ITFG1: variants seen among roughly 807,000 people sequenced by gnomAD.
ITFG1 encodes integrin alpha FG-GAP repeat containing 1, also known as T-cell immunomodulatory protein.
A neutral mutation model predicts 81.8 loss-of-function variants in ITFG1; 34 were observed. The observed-to-expected ratio is 0.42, with a 90% CI of 0.32 to 0.55. ITFG1 has a LOEUF of 0.55. Among genes scored for constraint, ITFG1 ranks in the 20% least tolerant of loss-of-function variants. The pLI is 0.17. For synonymous variants in ITFG1, 285 were observed against 270.6 expected (o/e 1.05, Z -0.52); for missense variants, 672 against 755.4 (o/e 0.89, Z 1.29).
At chr16:47,249,655 T>C (rs1966044573) in intron 12 of ITFG1, among the ~76,000 whole-genome samples, 1 of 152,236 alleles carries the variant, frequency 6.6e-6, no homozygotes, top group Non-Finnish European at 1.5e-5. Context: ...TAATTTGTAG[T>C]TTAAAACATG....
intron 10 of ITFG1, among the ~76,000 whole-genome samples, chr16:47,292,470 C>T (rs1291683112): frequency 6.6e-6 from 1 of 152,082 alleles, no homozygotes; most frequent in Non-Finnish European, 1.5e-5. Flanking sequence ...GGTGATTTTG[C>T]TTATGGATGA....
intron 16 of ITFG1, among the ~76,000 whole-genome samples, chr16:47,160,398 ATTG>A (rs1964785589): frequency 6.6e-6 from 1 of 151,628 alleles, no homozygotes; most frequent in Admixed American, 6.6e-5. Context: ...TGTTGTTGTT[ATTG>A]TTTTTTGCTT....
intron 14 of ITFG1, among the ~76,000 whole-genome samples, chr16:47,187,012 T>C (rs927847548): frequency 4.6e-5 from 7 of 152,172 alleles, no homozygotes; most frequent in Non-Finnish European, 8.8e-5. Context: ...CCATTCACAA[T>C]TGCTTCAAAG....
intron 14 of ITFG1, among the ~76,000 whole-genome samples, chr16:47,205,208 C>T (rs1965477932): frequency 6.6e-6 from 1 of 152,188 alleles, no homozygotes; most frequent in Non-Finnish European, 1.5e-5. Context: ...GCACTGTTGA[C>T]ATTTTGGGAT....
chr16:47,387,202 A>C (rs1175879132), intron 6 of ITFG1, among the ~76,000 whole-genome samples: 3 of 152,200 alleles, frequency 2.0e-5, no homozygotes, highest in African/African-American at 7.2e-5. Flanking sequence ...CAGGATGACA[A>C]GGTACGTCTC....
chr16:47,220,064 T>C (rs1461057477), intron 13 of ITFG1, among the ~76,000 whole-genome samples: 1 of 152,230 alleles, frequency 6.6e-6, no homozygotes, highest in African/African-American at 2.4e-5. Context: ...AAGCATTGTT[T>C]TCTTTCCTAT....
At chr16:47,346,616 T>C (rs1967858713) in intron 8 of ITFG1, among the ~76,000 whole-genome samples, 1 of 152,112 alleles carries the variant, frequency 6.6e-6, no homozygotes, top group South Asian at 2.1e-4. Flanking sequence ...CAAAGGAACA[T>C]AAGAGATTAT....
chr16:47,408,658 A>G (rs1336724639), intron 6 of ITFG1, among the ~76,000 whole-genome samples: 1 of 152,190 alleles, frequency 6.6e-6, no homozygotes, highest in African/African-American at 2.4e-5. Context: ...CGTGGTGCTC[A>G]GAGAGACAGT....
chr16:47,266,894 A>T (rs1335486918), intron 10 of ITFG1, among the ~76,000 whole-genome samples: 1 of 152,234 alleles, frequency 6.6e-6, no homozygotes, highest in African/African-American at 2.4e-5. Context: ...TTATACAAAG[A>T]CATGGCTGAA....
intron 6 of ITFG1, among the ~76,000 whole-genome samples, chr16:47,422,245 A>G (rs1258822852): frequency 6.6e-6 from 1 of 152,234 alleles, no homozygotes; most frequent in East Asian, 1.9e-4. Flanking sequence ...TCCTTGAGGA[A>G]TCACCACACT....
chr16:47,271,419 C>T (rs755921819), intron 10 of ITFG1, among the ~76,000 whole-genome samples: 48 of 152,168 alleles, frequency 3.2e-4, no homozygotes, highest in Non-Finnish European at 5.9e-4. Context: ...TTAAATAACA[C>T]TTCACACCCA....
intron 5 of ITFG1, among the ~76,000 whole-genome samples, chr16:47,435,232 G>C (rs1969150570): frequency 6.6e-6 from 1 of 152,082 alleles, no homozygotes; most frequent in Non-Finnish European, 1.5e-5. Flanking sequence ...TAGTTTTTCA[G>C]CAATAAAAAG....
chr16:47,423,023 G>T (rs1235757170), intron 6 of ITFG1, among the ~76,000 whole-genome samples: 1 of 152,114 alleles, frequency 6.6e-6, no homozygotes, highest in African/African-American at 2.4e-5. Flanking sequence ...TGACAGTGGG[G>T]TGTTAAAGTC....
chr16:47,342,602 A>C (rs1290519598), intron 8 of ITFG1, among the ~76,000 whole-genome samples: 1 of 152,130 alleles, frequency 6.6e-6, no homozygotes, highest in Admixed American at 6.5e-5. Context: ...AGAAAATCCC[A>C]AAGAATCCAG....
intron 14 of ITFG1, among the ~76,000 whole-genome samples, chr16:47,189,519 T>C (rs1385124660): frequency 4.6e-5 from 7 of 152,240 alleles, no homozygotes. Flanking sequence ...TGGTTCATCA[T>C]ATTGTTGCAC....
chr16:47,424,517 G>C (rs998091600), intron 6 of ITFG1, among the ~76,000 whole-genome samples: 1 of 152,126 alleles, frequency 6.6e-6, no homozygotes, highest in African/African-American at 2.4e-5. Context: ...AGGTGCTCTG[G>C]TTTTTGGAAT....
chr16:47,312,816 T>G (rs1488423797), intron 9 of ITFG1: 1 of 152,208 alleles, frequency 6.6e-6, no homozygotes, highest in Non-Finnish European at 1.5e-5. Flanking sequence ...ACCAAAGAAC[T>G]GTGACATTTA....
intron 10 of ITFG1, among the ~76,000 whole-genome samples, chr16:47,300,601 A>G (rs1190652816): frequency 6.6e-6 from 1 of 152,216 alleles, no homozygotes; most frequent in Non-Finnish European, 1.5e-5. Context: ...TGGAGGCAAA[A>G]ACTCACAGCT....
Position 47,381,387 on chromosome 16 carries a change from A to G in ITFG1, c.656-5447T>C, listed in dbSNP as rs574044440. Among the ~76,000 whole-genome samples, 12 of 152,304 alleles carry G rather than the reference A, an allele frequency of 7.9e-5. No individual in the cohort carries two copies. In the East Asian group the frequency reaches 2.3e-3, roughly 29 times the overall value. ...GGAAATTAAAAGAAAACTATTCATA[A>G]TATTATTTTGAGTTCCTGCATGAAG... is the stretch of plus-strand genomic sequence containing the variant. On this transcript the variant is annotated intron_variant, in intron 6 of 17. Transcript: ENST00000320640.
Sources: allele counts gnomAD v4.1 joint callset (sites outside exome capture counted in the v4.1 genomes callset), GRCh38; gene constraint gnomAD v4.1.1; transcripts MANE v1.5; gene names NCBI Gene and HGNC (gene_info 2026-07-23, HGNC 2026-07-21).